The following RAB5A variants were observed in gnomAD, a reference collection of about 807,000 sequenced individuals.
RAB5A encodes the protein RAB5A, member RAS oncogene family.
A neutral mutation model predicts 25.7 loss-of-function variants in RAB5A; 8 were observed. The ratio of observed to expected loss-of-function variants is 0.31; its 90% CI spans 0.18 to 0.56. The LOEUF (loss-of-function observed/expected upper bound fraction) is 0.56. RAB5A is among the 20% of genes least tolerant of loss of function. The probability of loss-of-function intolerance (pLI) is 0.91; values close to 1 mark genes in which losing one functional copy is unlikely to be tolerated. For synonymous variants in RAB5A, 98 were observed against 89.8 expected (o/e 1.09, Z -0.52); for missense variants, 192 against 259.7 (o/e 0.74, Z 1.79).
chr3:19,969,787 A>C (rs1008978243), intron 2 of RAB5A, among the ~76,000 whole-genome samples: 6 of 151,968 alleles, frequency 3.9e-5, no homozygotes, highest in Non-Finnish European at 8.8e-5. Context: ...CATTTTAGTT[A>C]TGGGGTGGCG....
Position 19,978,501 on chromosome 3 carries a change from G to A in RAB5A, c.532+98G>A, listed in dbSNP as rs1052409563. 5 of 773,028 alleles carry A rather than the reference G, an allele frequency of 6.5e-6. No homozygotes were observed. The African/African-American group carries it at 6.9e-5, about 11-fold the overall frequency. The allele number at this position is 773,028 out of a possible 1,614,324, so 47.9% of individuals were successfully genotyped here. ...TCTTTTTTAAAAAATTTTTGGGGGTGGGTTTGTGTGTATGTTTATGTGTGT... is the reference window on the plus strand; with the variant it reads ...TCTTTTTTAAAAAATTTTTGGGGGTAGGTTTGTGTGTATGTTTATGTGTGT... On this transcript the variant is annotated intron_variant, in intron 5 of 5. Transcript: ENST00000273047.
At position 19,984,044 on chromosome 3, in the gene RAB5A, A is replaced by G. The variant is rs75969150; in HGVS notation, c.*221A>G. 0.01 allele frequency: 5,122 copies of G among 489,824 alleles called. 200 individuals are homozygous for G. The highest frequency in any genetic ancestry group is 0.09 in the African/African-American group (4,572 of 50,860). 30.3% of individuals were successfully genotyped at this position (489,824 alleles called of 1,614,324 possible). Reference sequence around the variant, plus strand: ...TCAACAATAGGGAAAAATGAGAACTATGTGGACACTTGTTTCATTGGAAGG... The same window carrying G: ...TCAACAATAGGGAAAAATGAGAACTGTGTGGACACTTGTTTCATTGGAAGG... On this transcript the variant is annotated 3_prime_UTR_variant, in exon 6 of 6. Coordinates refer to ENST00000273047, the MANE Select transcript of RAB5A (RefSeq NM_004162.5).
intron 5 of RAB5A, among the ~76,000 whole-genome samples, chr3:19,981,036 A>G (rs750924416): frequency 1.3e-5 from 2 of 152,214 alleles, no homozygotes; most frequent in African/African-American, 2.4e-5. Context: ...GTAAAGTTAG[A>G]GTCTTACCAT....
At position 19,983,897 on chromosome 3, in the gene RAB5A, C is replaced by A; in HGVS notation, c.*74C>A. 1 of 1,001,432 alleles carries A rather than the reference C, an allele frequency of 1.0e-6. No homozygotes were observed. The highest frequency in any genetic ancestry group is 1.5e-6 in the Non-Finnish European group (1 of 656,992). The allele number at this position is 1,001,432 out of a possible 1,614,324, so 62.0% of individuals were successfully genotyped here. On this transcript the variant is annotated 3_prime_UTR_variant, in exon 6 of 6. Transcript: ENST00000273047. ...ATAACAATGGAATTGGAGCATTTAA[C>A]CAGCCCAGTATGACTTCCAAAAGAA...
chr3:19,973,603 T>A (rs1696782116), intron 2 of RAB5A, among the ~76,000 whole-genome samples: 2 of 152,164 alleles, frequency 1.3e-5, no homozygotes, highest in Non-Finnish European at 2.9e-5. Context: ...ATAAATACAA[T>A]ATTTTAGAAA....
intron 2 of RAB5A, among the ~76,000 whole-genome samples, chr3:19,964,022 T>C (rs1280076360): frequency 6.6e-6 from 1 of 152,220 alleles, no homozygotes; most frequent in Non-Finnish European, 1.5e-5. Context: ...AGTAATGTTT[T>C]AAAGGTCTGG....
Position 19,969,587 on chromosome 3 carries a change from G to A in RAB5A, c.164-6014G>A, listed in dbSNP as rs2125188392. Among the ~76,000 whole-genome samples the A allele has an allele frequency of 1.3e-5, 2 of 152,262 alleles. 1 individual carries two copies. The highest frequency in any genetic ancestry group is 4.1e-4 in the South Asian group (2 of 4,830). On this transcript the variant is annotated intron_variant, in intron 2 of 5. Transcript: ENST00000273047. ...TTTGCCCCTTTGTTATGGATGTTAT[G>A]ACACAAGTTTTGCAAACCTGAAGTT...
rs2125135757 is a variant in RAB5A, at chr3:19,984,684, T to G, written c.*861T>G. Reference sequence around the variant, plus strand: ...ACAATTATGTATATTCAAACTTGATTATTTTAAATTCGATCTTCAGCTGTA... The same window carrying G: ...ACAATTATGTATATTCAAACTTGATGATTTTAAATTCGATCTTCAGCTGTA... On this transcript the variant is annotated 3_prime_UTR_variant, in exon 6 of 6. Coordinates refer to ENST00000273047, the MANE Select transcript of RAB5A (RefSeq NM_004162.5). 1 of 155,050 alleles carries G rather than the reference T, an allele frequency of 6.4e-6. No homozygotes were observed. The highest frequency in any genetic ancestry group is 1.9e-4 in the East Asian group (1 of 5,232). 9.6% of individuals were successfully genotyped at this position (155,050 alleles called of 1,614,324 possible). A position where few individuals can be genotyped will look rare whatever the true frequency, so the allele number is the denominator to read the frequency against.
At chr3:19,963,511 TTTCTTTGGGGG>T (rs1417763825) in intron 2 of RAB5A, among the ~76,000 whole-genome samples, 6 of 152,088 alleles carry the variant, frequency 3.9e-5, no homozygotes, top group African/African-American at 1.4e-4. Context: ...ATACATCCAG[TTTCTTTGGGGG>T]TTGGCATAGA....
chr3:19,978,257 G>A (rs1696857213), intron 4 of RAB5A, 53 bp from the exon 5 acceptor site: 1 of 1,141,494 alleles, frequency 8.8e-7, no homozygotes. Flanking sequence ...AGCAGGTGTA[G>A]TGTATTTCCA....
At chr3:19,949,306 T>C (rs539448179) in intron 1 of RAB5A, among the ~76,000 whole-genome samples, 1 of 152,358 alleles carries the variant, frequency 6.6e-6, no homozygotes, top group East Asian at 1.9e-4. Flanking sequence ...CCTTAAGAAC[T>C]AAGATCTCGT....
intron 1 of RAB5A, among the ~76,000 whole-genome samples, chr3:19,949,612 A>G (rs572833125): frequency 6.6e-6 from 1 of 152,256 alleles, no homozygotes; most frequent in South Asian, 2.1e-4. Flanking sequence ...GATTAAAGAT[A>G]GAAGGAAACT....
Position 19,976,168 on chromosome 3 carries a change from A to G in RAB5A, c.437A>G (p.Gln146Arg), listed in dbSNP as rs1696822272. Residue 146 changes from glutamine (Q) to arginine (R), a missense_variant and splice_region_variant, in exon 4 of 6, where the codon CAG becomes CGG. Transcript: ENST00000273047. ...GCAAATAAAAGAGCAGTAGATTTCCAGGTATGTTAAATTTAACTCTCATTT... is the reference window on the plus strand; with the variant it reads ...GCAAATAAAAGAGCAGTAGATTTCCGGGTATGTTAAATTTAACTCTCATTT... ...DLANKRAVDF[Q>R]EAQSYADDNS... 1.9e-6 allele frequency: 3 copies of G among 1,603,780 alleles called. No individual in the cohort carries two copies. Among genetic ancestry groups the G allele is most frequent in the Non-Finnish European group, 2.5e-6 (3 of 1,177,186 alleles).
chr3:19,961,078 G>A (rs1696578100), intron 2 of RAB5A, among the ~76,000 whole-genome samples: 1 of 152,120 alleles, frequency 6.6e-6, no homozygotes, highest in African/African-American at 2.4e-5. Flanking sequence ...GCATTCATAA[G>A]TAATTTGTAA....
intron 4 of RAB5A, 145 bp downstream of exon 4, chr3:19,976,314 TAATAA>T (rs1559492092): frequency 1.1e-6 from 1 of 899,778 alleles, no homozygotes; most frequent in Non-Finnish European, 1.6e-6. Flanking sequence ...GTACTACATA[TAATAA>T]AATGTTTCTG....
intron 5 of RAB5A, among the ~76,000 whole-genome samples, chr3:19,981,522 G>A (rs1696927206): frequency 6.6e-6 from 1 of 152,068 alleles, no homozygotes; most frequent in Admixed American, 6.5e-5. Flanking sequence ...GCTGAGGCAG[G>A]GGAATTGCTT....
At chr3:19,981,260 G>A (rs1269149538) in intron 5 of RAB5A, among the ~76,000 whole-genome samples, 1 of 152,154 alleles carries the variant, frequency 6.6e-6, no homozygotes, top group Non-Finnish European at 1.5e-5. Flanking sequence ...TATGCATTTA[G>A]TACATTCTTA....
chr3:19,974,722 G>GAAAAAAAGAA (rs151258629), intron 2 of RAB5A, among the ~76,000 whole-genome samples: 3 of 141,912 alleles, frequency 2.1e-5, no homozygotes, highest in Admixed American at 1.4e-4. Context: ...CTGTGTCTCA[G>GAAAAAAAGAA]AAAAAGAAAA....
rs969117779 is a variant in RAB5A at position 19,975,679 on chromosome 3, G to A, written c.242G>A (p.Arg81Gln). ...ATATGGGATACAGCTGGTCAAGAACGATACCATAGCCTAGCACCAATGTAC... is the reference window on the plus strand; with the variant it reads ...ATATGGGATACAGCTGGTCAAGAACAATACCATAGCCTAGCACCAATGTAC... Reference protein sequence around the residue: ...FEIWDTAGQERYHSLAPMYYR... With the variant: ...FEIWDTAGQEQYHSLAPMYYR... The change falls in exon 3 of 6, where the codon CGA (arginine) becomes CAA (glutamine). Residue 81 changes from arginine (R) to glutamine (Q), a missense_variant. Transcript: ENST00000273047. 3 of 1,613,748 alleles carry A rather than the reference G, an allele frequency of 1.9e-6. No individual in the cohort carries two copies. Among genetic ancestry groups the A allele is most frequent in the Admixed American group, 3.3e-5 (2 of 60,010 alleles).
Sources: allele counts gnomAD v4.1 joint callset (sites outside exome capture counted in the v4.1 genomes callset), GRCh38; gene constraint gnomAD v4.1.1; transcripts MANE v1.5; gene names NCBI Gene and HGNC (gene_info 2026-07-23, HGNC 2026-07-21).